Variants in PRDM6 observed in about 807,000 individuals in gnomAD.
The protein encoded by PRDM6 is putative histone-lysine N-methyltransferase PRDM6.
Under a neutral mutation model 60.8 loss-of-function variants are expected in PRDM6, and 25 were observed. The ratio of observed to expected loss-of-function variants is 0.41; its 90% CI spans 0.30 to 0.57. The LOEUF (loss-of-function observed/expected upper bound fraction) is 0.57. Ranked by LOEUF, PRDM6 falls within the 20% of genes least tolerant of loss-of-function variation. The pLI is 0.27. For synonymous variants in PRDM6, 407 were observed against 357.4 expected, an observed-to-expected ratio of 1.14 and a Z score of -1.57; for missense variants, 839 against 821.3, an observed-to-expected ratio of 1.02 and a Z score of -0.26.
At chr5:123,092,301 T>G (rs1479112336) in intron 2 of PRDM6, among the ~76,000 whole-genome samples, 1 of 152,246 alleles carries the variant, frequency 6.6e-6, no homozygotes, top group Non-Finnish European at 1.5e-5. Flanking sequence ...AGGTATGTCT[T>G]ACTGCTAAGT....
At chr5:123,102,460 T>TA (rs1459123309) in intron 3 of PRDM6, among the ~76,000 whole-genome samples, 5 of 152,058 alleles carry the variant, frequency 3.3e-5, no homozygotes, top group South Asian at 4.1e-4. Flanking sequence ...TTCTGAAATT[T>TA]AAAAAAATCA....
chr5:123,120,806 A>C (rs1764562854), intron 3 of PRDM6, among the ~76,000 whole-genome samples: 1 of 152,218 alleles, frequency 6.6e-6, no homozygotes. Flanking sequence ...AACCCTTAGC[A>C]TCTAGGTTAA....
At chr5:123,100,769 G>A (rs1369034903) in intron 3 of PRDM6, among the ~76,000 whole-genome samples, 2 of 152,186 alleles carry the variant, frequency 1.3e-5, no homozygotes, top group Non-Finnish European at 2.9e-5. Context: ...ATGTCAGCCT[G>A]AGGTTTCTCC....
rs147375622 is a variant in PRDM6, at chr5:123,152,529, G to A, written c.901-3355G>A. 7.1e-3 allele frequency among the ~76,000 whole-genome samples: 1,074 copies of A among 152,298 alleles called. 7 individuals are homozygous for A. The highest frequency in any genetic ancestry group is 0.017 in the African/African-American group (713 of 41,568). ...CTAGTTTGCAAAGGAGAAACACTTT[G>A]CTCAGAGCCACCAATACACACAATT... is the stretch of plus-strand genomic sequence containing the variant. On this transcript the variant is annotated intron_variant, in intron 3 of 7. Transcript: ENST00000407847.
At chr5:123,178,322 T>G (rs1250084601) in intron 6 of PRDM6, among the ~76,000 whole-genome samples, 4 of 152,286 alleles carry the variant, frequency 2.6e-5, no homozygotes, top group Non-Finnish European at 5.9e-5. Flanking sequence ...GAAAAATCAA[T>G]TGTCAGTGAA....
At chr5:123,148,307 G>A (rs774137409) in intron 3 of PRDM6, among the ~76,000 whole-genome samples, 1 of 152,060 alleles carries the variant, frequency 6.6e-6, no homozygotes, top group Non-Finnish European at 1.5e-5. Flanking sequence ...TTATTTTATG[G>A]GGTATTTATT....
chr5:123,125,268 A>T (rs553564108), intron 3 of PRDM6, among the ~76,000 whole-genome samples: 1 of 152,052 alleles, frequency 6.6e-6, no homozygotes, highest in African/African-American at 2.4e-5. Context: ...AGCTGGGCTT[A>T]TAGTACATTT....
chr5:123,095,064 G>T (rs1763926914), intron 2 of PRDM6, among the ~76,000 whole-genome samples: 1 of 152,226 alleles, frequency 6.6e-6, no homozygotes, highest in Admixed American at 6.5e-5. Flanking sequence ...GAGCTGGGCC[G>T]CCCCGCAGGG....
chr5:123,097,986 C>T (rs1763995758), intron 2 of PRDM6, among the ~76,000 whole-genome samples: 1 of 152,254 alleles, frequency 6.6e-6, no homozygotes, highest in Non-Finnish European at 1.5e-5. Context: ...AGAGCCCCCT[C>T]CAGTGAGACA....
At chr5:123,104,819 C>T (rs1177888518) in intron 3 of PRDM6, among the ~76,000 whole-genome samples, 1 of 152,074 alleles carries the variant, frequency 6.6e-6, no homozygotes, top group Non-Finnish European at 1.5e-5. Context: ...ACTGTAAAAC[C>T]ATCTGCCACC....
rs900445999 is a variant in PRDM6, at chr5:123,189,074, A to G, written c.*1873A>G. 6.6e-6 allele frequency: 1 copy of G among 152,194 alleles called. No homozygotes were observed. Among genetic ancestry groups the G allele is most frequent in the Non-Finnish European group, 1.5e-5 (1 of 68,042 alleles). 9.4% of individuals were successfully genotyped at this position (152,194 alleles called of 1,614,324 possible). On this transcript the variant is annotated 3_prime_UTR_variant, in exon 8 of 8. Coordinates refer to ENST00000407847, the MANE Select transcript of PRDM6 (RefSeq NM_001136239.4). ...TGGTCATGAAAGTAGTAAGGAATCT[A>G]TGCTGCTGTATAACAGTAGCTGATT...
Position 123,122,934 on chromosome 5 carries a change from T to C in PRDM6, c.900+22973T>C, listed in dbSNP as rs185605961. Among the ~76,000 whole-genome samples, 151 of 152,320 alleles carry C rather than the reference T, an allele frequency of 9.9e-4. 1 individual carries two copies. Among genetic ancestry groups the C allele is most frequent in the African/African-American group, 3.6e-3 (149 of 41,582 alleles). On this transcript the variant is annotated intron_variant, in intron 3 of 7. Coordinates refer to ENST00000407847, the MANE Select transcript of PRDM6 (RefSeq NM_001136239.4). ...CCAGCATATGGATATGGCCTAATTT[T>C]GGATATTTGACTTGCTTAAATTTTT...
intron 3 of PRDM6, among the ~76,000 whole-genome samples, chr5:123,141,443 GTTT>G (rs1158710968): frequency 6.6e-6 from 1 of 152,002 alleles, no homozygotes; most frequent in Admixed American, 6.6e-5. Context: ...AGAAAAAAAG[GTTT>G]TTATTTTTCT....
chr5:123,143,170 T>G (rs936804232), intron 3 of PRDM6, among the ~76,000 whole-genome samples: 2 of 151,972 alleles, frequency 1.3e-5, no homozygotes, highest in Admixed American at 6.6e-5. Context: ...TGTGTGTGTG[T>G]GTGTGTGTAT....
rs1006607324 is a variant in PRDM6, at chr5:123,170,694, A to T, written c.1154-72A>T. 14 of 1,060,054 alleles carry T rather than the reference A, an allele frequency of 1.3e-5. No homozygotes were observed. The African/African-American group carries it at 2.1e-4, about 16-fold the overall frequency. 65.7% of individuals were successfully genotyped at this position (1,060,054 alleles called of 1,614,324 possible). On this transcript the variant is annotated intron_variant, in intron 5 of 7. Coordinates refer to ENST00000407847, the MANE Select transcript of PRDM6 (RefSeq NM_001136239.4). ...AAAAGGTTGATTTATTTGATTTTTT[A>T]AAAGTATGTGTTATTGTGCTTATTT... is the stretch of plus-strand genomic sequence containing the variant.
At chr5:123,186,480 T>A (rs918002516) in intron 7 of PRDM6, among the ~76,000 whole-genome samples, 3 of 152,238 alleles carry the variant, frequency 2.0e-5, no homozygotes, top group Non-Finnish European at 2.9e-5. Context: ...CTTTCCACTG[T>A]GCCACTGCAA....
intron 3 of PRDM6, 57 bp from the exon 4 acceptor site, chr5:123,155,827 G>A (rs1243016406): frequency 3.3e-6 from 5 of 1,530,330 alleles, no homozygotes; most frequent in Non-Finnish European, 4.4e-6. Context: ...AGGGAAGTAG[G>A]GAAAATGATT....
chr5:123,090,147 A>G lies in PRDM6; in HGVS notation c.133A>G (p.Ser45Gly), dbSNP rs924466146. The change falls in exon 2 of 8, where the codon AGC becomes GGC. Residue 45 changes from serine to glycine, a missense_variant. Ser to Gly is a moderately conservative substitution (Grantham distance 56). Around this residue, in one of 2 missense-constraint regions of PRDM6, gnomAD observed 730 missense variants for 648.8 expected, o/e 1.13. Coordinates refer to ENST00000407847, the MANE Select transcript of PRDM6 (RefSeq NM_001136239.4). ...GGGCAGCGGCGCCGCGGGTCTCCTG[A>G]GCGCGCCGCAGCCTCTTCAGCCGCC... Reference protein sequence around the residue: ...LKGSGAAGLLSAPQPLQPPPP... With the variant: ...LKGSGAAGLLGAPQPLQPPPP... 3.6e-5 allele frequency: 55 copies of G among 1,528,564 alleles called. No individual in the cohort carries two copies. The Middle Eastern group carries it at 9.2e-4, about 26-fold the overall frequency. 94.7% of individuals were successfully genotyped at this position (1,528,564 alleles called of 1,614,324 possible).
At chr5:123,167,878 A>G (rs1765792949) in intron 5 of PRDM6, among the ~76,000 whole-genome samples, 1 of 152,114 alleles carries the variant, frequency 6.6e-6, no homozygotes, top group Non-Finnish European at 1.5e-5. Flanking sequence ...ACCATGCATT[A>G]CTTCCTGTTA....
Sources: allele counts gnomAD v4.1 joint callset (sites outside exome capture counted in the v4.1 genomes callset), GRCh38; gene constraint gnomAD v4.1.1; regional missense constraint gnomAD v4.1.1; transcripts MANE v1.5; gene names NCBI Gene and HGNC (gene_info 2026-07-23, HGNC 2026-07-21).